Variants in KLKB1 observed in about 807,000 individuals in gnomAD.
The protein encoded by KLKB1 is kallikrein B1, also known as plasma kallikrein.
In KLKB1, 58 loss-of-function variants were observed where a neutral mutation model predicts 73.6. That is an observed-to-expected ratio of 0.79 (90% CI 0.64 to 0.98). The LOEUF is 0.98. KLKB1 is among the 50% of genes least tolerant of loss of function. The pLI is 0.00. For missense variants in KLKB1, 737 were observed against 763.8 expected (o/e 0.96, Z 0.41); for synonymous variants, 280 against 258.1 (o/e 1.08, Z -0.81).
chr4:186,232,775 C>T (rs1166656750), intron 3 of KLKB1, among the ~76,000 whole-genome samples: 1 of 152,094 alleles, frequency 6.6e-6, no homozygotes, highest in Non-Finnish European at 1.5e-5. Flanking sequence ...CAGGGCAGTT[C>T]TAAATGGGGC....
rs1337831396 is a variant in KLKB1 at position 186,234,075 on chromosome 4, T to G, written c.328+17T>G. 3.9e-6 allele frequency: 6 copies of G among 1,558,346 alleles called. No individual in the cohort carries two copies. Among genetic ancestry groups the G allele is most frequent in the South Asian group, 2.2e-5 (2 of 89,954 alleles). On this transcript the variant is annotated intron_variant, in intron 4 of 14. Coordinates refer to ENST00000264690, the MANE Select transcript of KLKB1 (RefSeq NM_000892.5). ...AAATAAGTGGTAAGTTGTGAATTTC[T>G]TAGCTACATTTGAGTTAATATTGGA...
intron 6 of KLKB1, among the ~76,000 whole-genome samples, chr4:186,243,726 A>C (rs1738178915): frequency 6.6e-6 from 1 of 152,236 alleles, no homozygotes; most frequent in Admixed American, 6.5e-5. Flanking sequence ...AGTCAGTATA[A>C]ATATTGACAC....
At chr4:186,249,187 G>A (rs1738540388) in intron 6 of KLKB1, among the ~76,000 whole-genome samples, 1 of 152,100 alleles carries the variant, frequency 6.6e-6, no homozygotes, top group South Asian at 2.1e-4. Context: ...AATCCAGTCT[G>A]GCTTTATTCT....
Position 186,236,920 on chromosome 4 carries a change from A to T in KLKB1, c.468A>T (p.Thr156=). The change falls in exon 5 of 15, where the codon ACA becomes ACT. Residue 156 remains threonine (T), a synonymous_variant. Coordinates refer to ENST00000264690, the MANE Select transcript of KLKB1 (RefSeq NM_000892.5). ...RCQFFSYATQ[T]FHKAEYRNNC... Reference sequence around the variant, plus strand: ...AGTTTTTTTCATATGCCACGCAAACATTTCACAAGGCAGAGTACCGGTGAG... The same window carrying T: ...AGTTTTTTTCATATGCCACGCAAACTTTTCACAAGGCAGAGTACCGGTGAG... The T allele has an allele frequency of 6.2e-7, 1 of 1,614,108 alleles. No homozygotes were observed. Among genetic ancestry groups the T allele is most frequent in the Non-Finnish European group, 8.5e-7 (1 of 1,180,018 alleles).
intron 6 of KLKB1, among the ~76,000 whole-genome samples, chr4:186,244,136 T>A (rs1738202580): frequency 1.3e-5 from 2 of 152,016 alleles, no homozygotes; most frequent in South Asian, 4.1e-4. Flanking sequence ...TTGGGATGAG[T>A]TAGGGAGAGC....
intron 6 of KLKB1, among the ~76,000 whole-genome samples, chr4:186,249,165 T>A (rs1490009911): frequency 6.6e-6 from 1 of 152,240 alleles, no homozygotes; most frequent in Non-Finnish European, 1.5e-5. Context: ...CCAAAGTTTT[T>A]AAACTTGATG....
At chr4:186,231,962 G>T (rs1391396030) in intron 2 of KLKB1, among the ~76,000 whole-genome samples, 165 bp from the exon 3 acceptor site, 1 of 152,138 alleles carries the variant, frequency 6.6e-6, no homozygotes, top group African/African-American at 2.4e-5. Context: ...ACTATACATT[G>T]TTCAAATAGT....
intron 2 of KLKB1, chr4:186,211,052 T>C (rs975542718): frequency 1.0e-5 from 2 of 196,720 alleles, no homozygotes; most frequent in Admixed American, 1.1e-4. Context: ...TTGGCCAGAC[T>C]GGTCTCAAAC....
rs4253249 is a variant in KLKB1, at chr4:186,234,886, A to G, written c.328+828A>G. 3.3e-3 allele frequency among the ~76,000 whole-genome samples: 506 copies of G among 152,378 alleles called. 4 individuals carry two copies. Among genetic ancestry groups the G allele is most frequent in the Admixed American group, 0.017 (254 of 15,308 alleles). ...AAGATTCAACTGATGGGTTGTCAGA[A>G]TCTTAAAATAACTGCTGTTATTCTA... On this transcript the variant is annotated intron_variant, in intron 4 of 14. Coordinates refer to ENST00000264690, the MANE Select transcript of KLKB1 (RefSeq NM_000892.5).
chr4:186,232,135 A>G lies in KLKB1; in HGVS notation c.67A>G (p.Thr23Ala). 6.2e-7 allele frequency: 1 copy of G among 1,610,846 alleles called. No homozygotes were observed. Among genetic ancestry groups the G allele is most frequent in the Non-Finnish European group, 8.5e-7 (1 of 1,177,856 alleles). The change falls in exon 3 of 15, where the codon ACT (threonine) becomes GCT (alanine). Residue 23 changes from threonine to alanine, a missense_variant. Thr to Ala is a moderately conservative substitution (Grantham distance 58). Coordinates refer to ENST00000264690, the MANE Select transcript of KLKB1 (RefSeq NM_000892.5). ...LFATVSCGCL[T>A]QLYENAFFRG... Reference sequence around the variant, plus strand: ...TTATGGTTCTGTCACAGGATGTCTGACTCAACTCTATGAAAACGCCTTCTT... The same window carrying G: ...TTATGGTTCTGTCACAGGATGTCTGGCTCAACTCTATGAAAACGCCTTCTT...
intron 2 of KLKB1, chr4:186,211,215 C>G (rs1164998260): frequency 1.3e-5 from 2 of 152,764 alleles, no homozygotes; most frequent in Non-Finnish European, 2.9e-5. Flanking sequence ...GTGTCAGCAC[C>G]CAAATAAACA....
In KLKB1 at chr4:186,258,323, A is replaced by G; in HGVS notation, c.*111A>G. 3.1e-6 allele frequency: 3 copies of G among 961,806 alleles called. No individual in the cohort carries two copies. Among genetic ancestry groups the G allele is most frequent in the Middle Eastern group, 3.1e-4 (1 of 3,220 alleles). The allele number at this position is 961,806 out of a possible 1,614,324, so 59.6% of individuals were successfully genotyped here. The stretch of plus-strand genomic sequence containing the variant: ...AGAGTGGCATCTTCTTTGCATCCTA[A>G]GGACGAAAAACACAGTGCACTCAGA... On this transcript the variant is annotated 3_prime_UTR_variant, in exon 15 of 15. Coordinates refer to ENST00000264690, the MANE Select transcript of KLKB1 (RefSeq NM_000892.5).
Position 186,242,687 on chromosome 4 carries a change from T to G in KLKB1, c.598+4322T>G, listed in dbSNP as rs546556613. Among the ~76,000 whole-genome samples the G allele has an allele frequency of 2.6e-5, 4 of 152,254 alleles. No individual in the cohort carries two copies. In the East Asian group the frequency reaches 7.7e-4, roughly 29 times the overall value. On this transcript the variant is annotated intron_variant, in intron 6 of 14. Transcript: ENST00000264690. Reference sequence around the variant, plus strand: ...ATTGGGAGGACCCAGGACATCTAATTAGAGAGTGCCTAAGGGGGTTCAGTG... The same window carrying G: ...ATTGGGAGGACCCAGGACATCTAATGAGAGAGTGCCTAAGGGGGTTCAGTG...
intron 6 of KLKB1, among the ~76,000 whole-genome samples, chr4:186,239,102 C>T (rs1737867130): frequency 8.1e-6 from 1 of 124,052 alleles, no homozygotes; most frequent in East Asian, 2.5e-4. Context: ...GTTACAGGTA[C>T]AGTGATATAG....
intron 2 of KLKB1, among the ~76,000 whole-genome samples, chr4:186,230,008 C>G (rs967856606): frequency 3.3e-5 from 5 of 152,064 alleles, no homozygotes; most frequent in Non-Finnish European, 7.4e-5. Flanking sequence ...TACTATTTTG[C>G]TACTACGTGG....
intron 2 of KLKB1, among the ~76,000 whole-genome samples, chr4:186,220,066 C>T (rs113912678): frequency 0.023 from 3,436 of 151,940 alleles, 134 homozygotes; most frequent in African/African-American, 0.08. Context: ...CTTCTGGTGG[C>T]AGCATTTTTC....
Position 186,251,272 on chromosome 4 carries a change from C to A in KLKB1, c.812C>A (p.Pro271His), listed in dbSNP as rs1247682816. The change falls in exon 8 of 15, where the codon CCT becomes CAT. Residue 271 changes from proline (P) to histidine (H), a missense_variant. Pro to His is a moderately conservative substitution (Grantham distance 77). Coordinates refer to ENST00000264690, the MANE Select transcript of KLKB1 (RefSeq NM_000892.5). ...AGTGGCACACCAAGTTCCTCTACTCCTCAAGAAAACACCATATCTGGATAT... is the reference window on the plus strand; with the variant it reads ...AGTGGCACACCAAGTTCCTCTACTCATCAAGAAAACACCATATCTGGATAT... ...SESGTPSSST[P>H]QENTISGYSL... 3.7e-6 allele frequency: 6 copies of A among 1,612,536 alleles called. No homozygotes were observed. The highest frequency in any genetic ancestry group is 5.1e-6 in the Non-Finnish European group (6 of 1,178,718).
intron 10 of KLKB1, 68 bp from the exon 11 acceptor site, chr4:186,251,949 C>G: frequency 6.2e-7 from 1 of 1,609,712 alleles, no homozygotes; most frequent in Non-Finnish European, 8.5e-7. Flanking sequence ...GTGTCTTGTT[C>G]TCCTTGGTTA....
At chr4:186,248,470 G>T (rs1738498578) in intron 6 of KLKB1, among the ~76,000 whole-genome samples, 1 of 151,902 alleles carries the variant, frequency 6.6e-6, no homozygotes, top group Non-Finnish European at 1.5e-5. Flanking sequence ...TGTTTTCAAG[G>T]CTCATTCGTA....
Sources: allele counts gnomAD v4.1 joint callset (sites outside exome capture counted in the v4.1 genomes callset), GRCh38; gene constraint gnomAD v4.1.1; transcripts MANE v1.5; gene names NCBI Gene and HGNC (gene_info 2026-07-23, HGNC 2026-07-21).